The following NHSL1 variants were observed in gnomAD, a reference collection of about 807,000 sequenced individuals.
NHSL1 encodes the protein NHS like 1.
Under a neutral mutation model 95.0 loss-of-function variants are expected in NHSL1, and 48 were observed. That is an observed-to-expected ratio of 0.51 (90% CI 0.40 to 0.64). The LOEUF (loss-of-function observed/expected upper bound fraction) is 0.64. NHSL1 is among the 30% of genes least tolerant of loss of function. The pLI, the probability that NHSL1 is intolerant of heterozygous loss-of-function variation, is 0.00. For synonymous variants in NHSL1, 783 were observed against 833.9 expected (o/e 0.94, Z 1.05); for missense variants, 1,971 against 2,077.7 (o/e 0.95, Z 1.00).
At chr6:138,426,378 A>G (rs542219144) in intron 7 of NHSL1, among the ~76,000 whole-genome samples, 2 of 152,356 alleles carry the variant, frequency 1.3e-5, no homozygotes, top group South Asian at 4.1e-4. Context: ...TGTGAAGATT[A>G]AGTGAAATAA....
chr6:138,650,510 G>A (rs1490890136), intron 1 of NHSL1: 1 of 660,420 alleles, frequency 1.5e-6, no homozygotes. Context: ...AGGCACTGAT[G>A]AAGTAGGCCA....
upstream of NHSL1, among the ~76,000 whole-genome samples, chr6:138,547,025 A>G (rs962016677): frequency 6.6e-6 from 1 of 152,160 alleles, no homozygotes; most frequent in African/African-American, 2.4e-5. Flanking sequence ...TGTTCACAGG[A>G]CCCGTTGCTG....
At chr6:138,612,315 A>G (rs1023614132) in intron 1 of NHSL1, among the ~76,000 whole-genome samples, 5 of 152,152 alleles carry the variant, frequency 3.3e-5, no homozygotes. Flanking sequence ...CTAATACAAG[A>G]ACTGCGTAAT....
At chr6:138,542,494 A>G (rs1309273428) in intron 1 of NHSL1, among the ~76,000 whole-genome samples, 1 of 152,232 alleles carries the variant, frequency 6.6e-6, no homozygotes, top group East Asian at 1.9e-4. Context: ...TTAAATGTTT[A>G]AGAACTTTTA....
chr6:138,656,772 T>A (rs536710294), intron 1 of NHSL1, among the ~76,000 whole-genome samples: 2 of 152,314 alleles, frequency 1.3e-5, no homozygotes, highest in Admixed American at 1.3e-4. Flanking sequence ...AATTAGGATG[T>A]GCTATTGATG....
chr6:138,617,699 A>G (rs2114617480), intron 1 of NHSL1, among the ~76,000 whole-genome samples: 1 of 152,370 alleles, frequency 6.6e-6, no homozygotes, highest in Admixed American at 6.5e-5. Context: ...ACTATCAGCT[A>G]AGCTTGACAG....
At chr6:138,475,220 TTTC>T (rs1414810550) in intron 2 of NHSL1, among the ~76,000 whole-genome samples, 3 of 151,784 alleles carry the variant, frequency 2.0e-5, no homozygotes, top group East Asian at 1.9e-4. Flanking sequence ...GATTAGTAGT[TTTC>T]TTCTTTTTTT....
At chr6:138,623,294 AAAT>A (rs1784691018) in intron 1 of NHSL1, among the ~76,000 whole-genome samples, 1 of 152,184 alleles carries the variant, frequency 6.6e-6, no homozygotes, top group African/African-American at 2.4e-5. Flanking sequence ...GCAGGCAGGT[AAAT>A]GACTGAAGGA....
At chr6:138,602,943 T>C (rs1784390136) in intron 1 of NHSL1, among the ~76,000 whole-genome samples, 1 of 152,160 alleles carries the variant, frequency 6.6e-6, no homozygotes, top group South Asian at 2.1e-4. Flanking sequence ...AAATCTAAAA[T>C]GGAAATCATC....
At chr6:138,545,903 A>C (rs1044446048), upstream of NHSL1, 7 of 891,928 alleles carry the variant, frequency 7.8e-6, no homozygotes, top group Non-Finnish European at 9.4e-6. Context: ...AGGGGTTAGC[A>C]GTCACCGTTC....
At position 138,481,774 on chromosome 6, in the gene NHSL1, C is replaced by A. The variant is rs890297457; in HGVS notation, c.212-8341G>T. 3.9e-5 allele frequency among the ~76,000 whole-genome samples: 6 copies of A among 152,188 alleles called. No individual in the cohort carries two copies. The South Asian group carries it at 1.2e-3, about 32-fold the overall frequency. The stretch of plus-strand genomic sequence containing the variant: ...TGTAGCTATACAGGAATATGTATAA[C>A]AGCATAAAAGCATGCTTTTATATTT... On this transcript the variant is annotated intron_variant, in intron 2 of 7. Coordinates refer to ENST00000343505, the MANE Select transcript of NHSL1 (RefSeq NM_001144060.2).
At chr6:138,443,626 A>C (rs1184915099) in intron 4 of NHSL1, among the ~76,000 whole-genome samples, 1 of 152,234 alleles carries the variant, frequency 6.6e-6, no homozygotes, top group African/African-American at 2.4e-5. Context: ...CAGGCGTTCA[A>C]GACCAGTCTA....
intron 1 of NHSL1, among the ~76,000 whole-genome samples, chr6:138,653,590 C>T (rs1003667105): frequency 6.6e-5 from 10 of 152,216 alleles, no homozygotes; most frequent in South Asian, 6.2e-4. Flanking sequence ...TTTAACCTTT[C>T]ACAAAGTATT....
chr6:138,536,913 T>C (rs1248694740), intron 1 of NHSL1, among the ~76,000 whole-genome samples: 3 of 152,104 alleles, frequency 2.0e-5, no homozygotes, highest in Admixed American at 6.6e-5. Flanking sequence ...AGATGAAAAA[T>C]AGGCTGCCAA....
chr6:138,502,298 G>T (rs902445630), upstream of NHSL1, among the ~76,000 whole-genome samples: 1 of 152,166 alleles, frequency 6.6e-6, no homozygotes, highest in Non-Finnish European at 1.5e-5. Context: ...TCCTTGATAT[G>T]AGCATGAGCA....
chr6:138,467,232 C>T (rs113843324), intron 3 of NHSL1, among the ~76,000 whole-genome samples: 31,827 of 151,552 alleles, frequency 0.21, 4,421 homozygotes, highest in African/African-American at 0.4. Context: ...GGCTCACTGC[C>T]GGCTCCGCCC....
chr6:138,685,882 C>T (rs1244169017), intron 1 of NHSL1, among the ~76,000 whole-genome samples: 2 of 152,062 alleles, frequency 1.3e-5, no homozygotes, highest in East Asian at 3.9e-4. Context: ...TACCAGCTAT[C>T]AACATGGGCA....
chr6:138,591,488 C>T (rs895790816), intron 1 of NHSL1, among the ~76,000 whole-genome samples: 2 of 151,900 alleles, frequency 1.3e-5, no homozygotes, highest in African/African-American at 2.4e-5. Context: ...TTGATCACAG[C>T]TCACTGCAGC....
At chr6:138,541,790 G>T (rs1318026794) in intron 1 of NHSL1, among the ~76,000 whole-genome samples, 1 of 152,048 alleles carries the variant, frequency 6.6e-6, no homozygotes, top group Non-Finnish European at 1.5e-5. Flanking sequence ...GATCATAATG[G>T]GTATGTACAT....
Sources: allele counts gnomAD v4.1 joint callset (sites outside exome capture counted in the v4.1 genomes callset), GRCh38; gene constraint gnomAD v4.1.1; transcripts MANE v1.5; gene names NCBI Gene and HGNC (gene_info 2026-07-23, HGNC 2026-07-21).